Variants in NBEA observed in about 807,000 individuals in gnomAD.
NBEA encodes lysosomal-trafficking regulator 2.
A neutral mutation model predicts 343.4 loss-of-function variants in NBEA; 44 were observed. The observed-to-expected ratio is 0.13, with a 90% CI of 0.10 to 0.16. The LOEUF (loss-of-function observed/expected upper bound fraction) is 0.16. Among genes scored for constraint, NBEA ranks in the 10% least tolerant of loss-of-function variants. The pLI is 1.00. For synonymous variants in NBEA, 1,175 were observed against 1,238.7 expected, an observed-to-expected ratio of 0.95 and a Z score of 1.08; for missense variants, 2,555 against 3,631.3, an observed-to-expected ratio of 0.70 and a Z score of 7.62.
At chr13:35,650,746 T>C (rs2084477276) in intron 52 of NBEA, among the ~76,000 whole-genome samples, 1 of 152,128 alleles carries the variant, frequency 6.6e-6, no homozygotes, top group Non-Finnish European at 1.5e-5. Flanking sequence ...GACATATGGA[T>C]GCTTAACCAG....
intron 17 of NBEA, among the ~76,000 whole-genome samples, chr13:35,135,570 TATA>T (rs2067672841): frequency 1.3e-5 from 2 of 151,936 alleles, no homozygotes; most frequent in South Asian, 4.2e-4. Context: ...TGGTAAAAAA[TATA>T]ATTTTTATTT....
chr13:35,199,874 A>C (rs999971366), intron 31 of NBEA, among the ~76,000 whole-genome samples: 3 of 152,098 alleles, frequency 2.0e-5, no homozygotes, highest in Non-Finnish European at 2.9e-5. Flanking sequence ...TAAGGAAAGT[A>C]CTGATTCTTT....
At chr13:35,624,331 A>G (rs1361770798) in intron 48 of NBEA, among the ~76,000 whole-genome samples, 1 of 152,132 alleles carries the variant, frequency 6.6e-6, no homozygotes, top group African/African-American at 2.4e-5. Flanking sequence ...TTGCATCAAA[A>G]TTTATGAAGT....
chr13:35,335,791 G>A (rs1009064007), intron 36 of NBEA, among the ~76,000 whole-genome samples: 1 of 152,058 alleles, frequency 6.6e-6, no homozygotes, highest in African/African-American at 2.4e-5. Context: ...AGTTTGGGAG[G>A]AACAGCTTGG....
rs762460191 is a variant in NBEA, at chr13:35,159,428, A to T, written c.3257A>T (p.Asn1086Ile). 1 of 1,613,484 alleles carries T rather than the reference A, an allele frequency of 6.2e-7. No homozygotes were observed. The change falls in exon 22 of 59, where the codon AAT (asparagine) becomes ATT (isoleucine). Residue 1086 changes from asparagine to isoleucine, a missense_variant. By Grantham distance (149) the Asn-to-Ile change is moderately radical. Transcript: ENST00000379939. ...LSPETLVGGE[N>I]GALVEVESLL... is the part of the protein sequence containing the mutation. ...CCGGAGACTTTAGTAGGTGGAGAGAATGGTGCCCTTGTGGAGGTTGAATCT... is the reference window on the plus strand; with the variant it reads ...CCGGAGACTTTAGTAGGTGGAGAGATTGGTGCCCTTGTGGAGGTTGAATCT...
Position 35,626,321 on chromosome 13 carries a change from G to GA in NBEA, c.7450-1754dup, listed in dbSNP as rs537339075. Among the ~76,000 whole-genome samples, 413 of 152,100 alleles carry GA rather than the reference G, an allele frequency of 2.7e-3. 1 individual carries two copies. Among genetic ancestry groups the GA allele is most frequent in the African/African-American group, 9.5e-3 (393 of 41,520 alleles). ...GAAAATAGGAGATGGAGATAAAAGA[G>GA]AAAAAACACATTTTAAAAGCTCAAA... On this transcript the variant is annotated intron_variant, in intron 48 of 58. Transcript: ENST00000379939.
At chr13:34,999,573 G>A (rs1023211919) in intron 1 of NBEA, among the ~76,000 whole-genome samples, 3 of 151,996 alleles carry the variant, frequency 2.0e-5, no homozygotes, top group African/African-American at 7.2e-5. Flanking sequence ...TGCCATGATT[G>A]TTCTTATGCT....
Position 35,107,322 on chromosome 13 carries a change from A to G in NBEA, c.1681-1968A>G, listed in dbSNP as rs944233626. Among the ~76,000 whole-genome samples, 6 of 151,408 alleles carry G rather than the reference A, an allele frequency of 4.0e-5. No individual in the cohort carries two copies. In the Admixed American group the frequency reaches 4.0e-4, roughly 10 times the overall value. The stretch of plus-strand genomic sequence containing the variant: ...GCTATTTATTTAGATCATTTCCACC[A>G]TCTTCTGTAAAATTTTCATTGAAAA... On this transcript the variant is annotated intron_variant, in intron 11 of 58. Transcript: ENST00000379939.
chr13:35,539,136 T>C (rs1056686641), intron 41 of NBEA, among the ~76,000 whole-genome samples: 2 of 152,206 alleles, frequency 1.3e-5, no homozygotes, highest in African/African-American at 4.8e-5. Context: ...GTATGAAGAA[T>C]GCAGAGACAT....
At chr13:35,427,998 G>C (rs1422927999) in intron 38 of NBEA, among the ~76,000 whole-genome samples, 2 of 152,156 alleles carry the variant, frequency 1.3e-5, no homozygotes, top group Non-Finnish European at 2.9e-5. Context: ...CAGTATTAGG[G>C]TGGGAGTGAC....
intron 17 of NBEA, among the ~76,000 whole-genome samples, chr13:35,136,341 T>C (rs1443313831): frequency 3.3e-5 from 5 of 152,182 alleles, no homozygotes; most frequent in Non-Finnish European, 5.9e-5. Flanking sequence ...TAGTTCTTTT[T>C]TGAAACAAGG....
intron 10 of NBEA, among the ~76,000 whole-genome samples, chr13:35,091,826 T>C (rs2152628759): frequency 6.6e-6 from 1 of 152,124 alleles, no homozygotes; most frequent in Middle Eastern, 3.4e-3. Context: ...ATCATATTCA[T>C]GGACTTAACA....
At chr13:35,635,672 A>C (rs945871883) in intron 49 of NBEA, among the ~76,000 whole-genome samples, 3 of 152,206 alleles carry the variant, frequency 2.0e-5, no homozygotes, top group Admixed American at 6.5e-5. Flanking sequence ...TGTGTTTCTC[A>C]CTGCAAAGGT....
At chr13:35,309,862 C>A (rs1179044199) in intron 36 of NBEA, among the ~76,000 whole-genome samples, 3 of 152,102 alleles carry the variant, frequency 2.0e-5, no homozygotes, top group Admixed American at 6.6e-5. Context: ...AGTTGTTTTA[C>A]ACAGATCAAG....
chr13:35,088,344 C>A (rs2064881614), intron 10 of NBEA, among the ~76,000 whole-genome samples: 1 of 151,896 alleles, frequency 6.6e-6, no homozygotes, highest in African/African-American at 2.4e-5. Context: ...ATTTAGGAAA[C>A]TGATAAATCT....
At chr13:35,122,895 G>A (rs2066881625) in intron 16 of NBEA, among the ~76,000 whole-genome samples, 1 of 152,054 alleles carries the variant, frequency 6.6e-6, no homozygotes, top group African/African-American at 2.4e-5. Context: ...TTGAATTCAA[G>A]AGCCCAGCAA....
chr13:35,420,045 TAGAC>T (rs1157750865), intron 38 of NBEA, among the ~76,000 whole-genome samples: 15 of 152,084 alleles, frequency 9.9e-5, no homozygotes, highest in Non-Finnish European at 1.5e-4. Flanking sequence ...ATTTTTTACA[TAGAC>T]AGTCATGTTA....
intron 40 of NBEA, among the ~76,000 whole-genome samples, 162 bp downstream of exon 40, chr13:35,452,397 A>G (rs2046353406): frequency 6.6e-6 from 1 of 152,228 alleles, no homozygotes; most frequent in South Asian, 2.1e-4. Flanking sequence ...TATTGAAGAG[A>G]GAACCCCAAA....
chr13:35,387,658 T>C (rs1189248925), intron 38 of NBEA, among the ~76,000 whole-genome samples: 1 of 152,176 alleles, frequency 6.6e-6, no homozygotes, highest in Non-Finnish European at 1.5e-5. Flanking sequence ...CATACCTTCA[T>C]GCCTACATAG....
Sources: gnomAD v4.1 joint callset for allele counts (sites outside exome capture counted in the v4.1 genomes callset) on GRCh38, gnomAD v4.1.1 for gene constraint, MANE v1.5 for transcripts, NCBI Gene and HGNC (gene_info 2026-07-23, HGNC 2026-07-21) for gene names.